Variants in UBTD1 observed in about 807,000 individuals in gnomAD.
The protein encoded by UBTD1 is ubiquitin domain-containing protein 1.
In UBTD1, 19 loss-of-function variants were observed where a neutral mutation model predicts 21.7. The observed-to-expected ratio is 0.87, with a 90% confidence interval of 0.61 to 1.28. The LOEUF (loss-of-function observed/expected upper bound fraction) is 1.28, where lower values mean the gene tolerates loss of function less well. Ranked by LOEUF, UBTD1 falls within the 50% of genes most tolerant of loss-of-function variation. The pLI is 0.00. For synonymous variants in UBTD1, 116 were observed against 135.1 expected, an observed-to-expected ratio of 0.86 and a Z score of 0.98; for missense variants, 282 against 315.1, an observed-to-expected ratio of 0.89 and a Z score of 0.80.
At chr10:97,512,010 T>C (rs1275680310) in intron 1 of UBTD1, among the ~76,000 whole-genome samples, 1 of 152,188 alleles carries the variant, frequency 6.6e-6, no homozygotes, top group Non-Finnish European at 1.5e-5. Context: ...CCTTAGCCAG[T>C]ATGGGAAACT....
At chr10:97,529,239 G>A (rs1292983272) in intron 1 of UBTD1, among the ~76,000 whole-genome samples, 2 of 148,874 alleles carry the variant, frequency 1.3e-5, no homozygotes, top group African/African-American at 5.0e-5. Context: ...CACTTCCTAG[G>A]TGGGATGGCG....
chr10:97,570,121 C>A lies in UBTD1; in HGVS notation c.299-17C>A. ...TGGATCCCCAAGCTGACTCTGACAG[C>A]CCTGCCTCTCCTACAGGCACCCTCT... On this transcript the variant is annotated splice_polypyrimidine_tract_variant and intron_variant, in intron 2 of 2. Coordinates refer to ENST00000370664, the MANE Select transcript of UBTD1 (RefSeq NM_024954.5). The surrounding 1 kb of genome is among the most constrained non-coding windows in gnomAD (Gnocchi z 6.6). 1 of 1,587,208 alleles carries A rather than the reference C, an allele frequency of 6.3e-7. No homozygotes were observed. Among genetic ancestry groups the A allele is most frequent in the South Asian group, 1.1e-5 (1 of 89,034 alleles).
rs773272741 is a variant in UBTD1, at chr10:97,570,279, G to A, written c.440G>A (p.Arg147His). The A allele has an allele frequency of 1.2e-5, 20 of 1,613,028 alleles. 1 individual carries two copies. Among genetic ancestry groups the A allele is most frequent in the Middle Eastern group, 1.6e-4 (1 of 6,084 alleles). Residue 147 changes from arginine to histidine, a missense_variant, in exon 3 of 3, where the codon CGT becomes CAT. Arg to His is a conservative substitution (Grantham distance 29). Coordinates refer to ENST00000370664, the MANE Select transcript of UBTD1 (RefSeq NM_024954.5). The surrounding 1 kb of genome is among the most constrained non-coding windows in gnomAD (Gnocchi z 6.6). ...CCCGAGCCTCCACCCAGCGTGCGCC[G>A]TGAGTTCCCGCTGAAGGTGCGCCTG... is the stretch of plus-strand genomic sequence containing the variant. ...EPPEPPPSVR[R>H]EFPLKVRLST...
intron 1 of UBTD1, among the ~76,000 whole-genome samples, chr10:97,520,875 C>T (rs11189253): frequency 0.2 from 29,957 of 152,118 alleles, 3,308 homozygotes; most frequent in East Asian, 0.48. Flanking sequence ...GGACACTGTC[C>T]GGAGCTGCTA....
At position 97,570,534 on chromosome 10, in the gene UBTD1, G is replaced by C. The variant is rs2040742235; in HGVS notation, c.*11G>C. The C allele has an allele frequency of 1.3e-6, 2 of 1,581,278 alleles. No homozygotes were observed. The highest frequency in any genetic ancestry group is 8.6e-7 in the Non-Finnish European group (1 of 1,157,502). ...CCACCCCAGGACTGATGGGCCCACG[G>C]ACCCCTGGGAAGAGGCCCCGCCTGG... On this transcript the variant is annotated 3_prime_UTR_variant, in exon 3 of 3. Coordinates refer to ENST00000370664, the MANE Select transcript of UBTD1 (RefSeq NM_024954.5). The surrounding 1 kb of genome is among the most constrained non-coding windows in gnomAD (Gnocchi z 6.6).
intron 1 of UBTD1, among the ~76,000 whole-genome samples, chr10:97,507,541 G>A (rs2135655138): frequency 6.6e-6 from 1 of 151,940 alleles, no homozygotes. Context: ...TTGGGAGGCT[G>A]AGCCGGGCAG....
Position 97,570,538 on chromosome 10 carries a change from C to T in UBTD1, c.*15C>T. ...CCCAGGACTGATGGGCCCACGGACC[C>T]CTGGGAAGAGGCCCCGCCTGGAGCA... On this transcript the variant is annotated 3_prime_UTR_variant, in exon 3 of 3. Coordinates refer to ENST00000370664, the MANE Select transcript of UBTD1 (RefSeq NM_024954.5). The surrounding 1 kb of genome is among the most constrained non-coding windows in gnomAD (Gnocchi z 6.6). 1 of 1,577,676 alleles carries T rather than the reference C, an allele frequency of 6.3e-7. No homozygotes were observed. The highest frequency in any genetic ancestry group is 8.7e-7 in the Non-Finnish European group (1 of 1,155,550).
chr10:97,568,020 T>A lies in UBTD1; in HGVS notation c.177T>A (p.Pro59=). ...SKRDEFWDTA[P]AFEGRKEIWD... ...GGGATGAGTTCTGGGACACAGCGCC[T>A]GCCTTCGAGGGCCGCAAGGAGATCT... The change falls in exon 2 of 3, where the codon CCT becomes CCA. Residue 59 remains proline, a synonymous_variant. Coordinates refer to ENST00000370664, the MANE Select transcript of UBTD1 (RefSeq NM_024954.5). The A allele has an allele frequency of 1.2e-6, 2 of 1,614,072 alleles. No homozygotes were observed. Among genetic ancestry groups the A allele is most frequent in the Non-Finnish European group, 1.7e-6 (2 of 1,180,032 alleles).
At chr10:97,523,634 C>A (rs1354753196) in intron 1 of UBTD1, among the ~76,000 whole-genome samples, 1 of 152,112 alleles carries the variant, frequency 6.6e-6, no homozygotes, top group Non-Finnish European at 1.5e-5. Context: ...AGCTGGCAGG[C>A]AGGGACTTGA....
intron 1 of UBTD1, among the ~76,000 whole-genome samples, chr10:97,499,799 AG>A (rs1410132210): frequency 1.3e-5 from 2 of 152,162 alleles, no homozygotes; most frequent in Admixed American, 6.5e-5. Context: ...TTTTTCCCGC[AG>A]GGGTTTTTAG....
chr10:97,529,168 C>T (rs1421496553), intron 1 of UBTD1, among the ~76,000 whole-genome samples: 4 of 151,222 alleles, frequency 2.6e-5, no homozygotes, highest in South Asian at 2.1e-4. Flanking sequence ...AGACGATGGG[C>T]GGCCGGGCAG....
chr10:97,540,154 ACTG>A, intron 1 of UBTD1, among the ~76,000 whole-genome samples: 1 of 152,176 alleles, frequency 6.6e-6, no homozygotes, highest in Non-Finnish European at 1.5e-5. Context: ...GGCTCTGTTC[ACTG>A]AGGTCTTGTT....
intron 1 of UBTD1, among the ~76,000 whole-genome samples, chr10:97,552,214 T>A (rs28627219): frequency 1.0e-3 from 147 of 140,098 alleles, no homozygotes; most frequent in South Asian, 2.0e-3. Context: ...AAAAAAAAAA[T>A]TTTTTTTAAA....
chr10:97,524,065 A>G (rs1192216117), intron 1 of UBTD1, among the ~76,000 whole-genome samples: 5 of 152,124 alleles, frequency 3.3e-5, no homozygotes, highest in African/African-American at 4.8e-5. Flanking sequence ...TAAACCTGCC[A>G]TGGGCTCCGA....
At chr10:97,530,450 A>G (rs2135669802) in intron 1 of UBTD1, among the ~76,000 whole-genome samples, 2 of 152,376 alleles carry the variant, frequency 1.3e-5, no homozygotes, top group Middle Eastern at 6.8e-3. Flanking sequence ...AAAAATTTTT[A>G]CAAAAGCATA....
intron 1 of UBTD1, among the ~76,000 whole-genome samples, chr10:97,532,924 G>A (rs2040540038): frequency 6.6e-6 from 1 of 152,222 alleles, no homozygotes; most frequent in Non-Finnish European, 1.5e-5. Flanking sequence ...GCAGCCTGGA[G>A]TCTGGCGCAT....
chr10:97,510,664 G>A (rs1330206546), intron 1 of UBTD1, among the ~76,000 whole-genome samples: 2 of 152,120 alleles, frequency 1.3e-5, no homozygotes, highest in East Asian at 3.9e-4. Flanking sequence ...CCCCTACGTT[G>A]AGATATACGG....
At position 97,566,804 on chromosome 10, in the gene UBTD1, C is replaced by G. The variant is rs117194813; in HGVS notation, c.71-1110C>G. ...GAGTTATAGTGGAAGCAGAGTGCTTCACATCTCACTCCTGTGGCTCACTCT... is the reference window on the plus strand; with the variant it reads ...GAGTTATAGTGGAAGCAGAGTGCTTGACATCTCACTCCTGTGGCTCACTCT... On this transcript the variant is annotated intron_variant, in intron 1 of 2. Transcript: ENST00000370664. Among the ~76,000 whole-genome samples the G allele has an allele frequency of 4.7e-3, 723 of 152,288 alleles. 4 individuals are homozygous for G. The highest frequency in any genetic ancestry group is 0.024 in the Middle Eastern group (7 of 294).
chr10:97,526,061 G>A (rs2040486904), intron 1 of UBTD1, among the ~76,000 whole-genome samples: 1 of 152,094 alleles, frequency 6.6e-6, no homozygotes, highest in Admixed American at 6.6e-5. Flanking sequence ...CTGGCCCTAG[G>A]TCAGCTCCAA....
Sources: allele counts gnomAD v4.1 joint callset (sites outside exome capture counted in the v4.1 genomes callset), GRCh38; gene constraint gnomAD v4.1.1; non-coding constraint Gnocchi (gnomAD v3.1); transcripts MANE v1.5; gene names NCBI Gene and HGNC (gene_info 2026-07-23, HGNC 2026-07-21).